The following INTS3 variants were observed in gnomAD, a reference collection of about 807,000 sequenced individuals.
INTS3 encodes integrator complex subunit 3.
INTS3 carries 34 observed loss-of-function variants against 146.3 expected under a neutral mutation model. The ratio of observed to expected loss-of-function variants is 0.23; its 90% CI spans 0.18 to 0.31. The LOEUF is 0.31. Ranked by LOEUF, INTS3 falls within the 10% of genes least tolerant of loss-of-function variation. The pLI, the probability that INTS3 is intolerant of heterozygous loss-of-function variation, is 1.00. For missense variants in INTS3, 757 were observed against 1,304.2 expected (o/e 0.58, Z 6.46); for synonymous variants, 475 against 494.9 (o/e 0.96, Z 0.53).
At chr1:153,730,300 T>G (rs539478408) in intron 1 of INTS3, among the ~76,000 whole-genome samples, 2 of 152,252 alleles carry the variant, frequency 1.3e-5, no homozygotes, top group Non-Finnish European at 2.9e-5. Context: ...ATTATGAATG[T>G]GAACAATGTA....
At chr1:153,747,392 G>A in intron 5 of INTS3, 29 bp downstream of exon 5, 6 of 1,526,932 alleles carry the variant, frequency 3.9e-6, no homozygotes, top group Non-Finnish European at 5.5e-6. Context: ...GCATAAAGAA[G>A]AAAGGAGGAG....
intron 5 of INTS3, 30 bp downstream of exon 5, chr1:153,747,393 AAAG>A (rs1435842742): frequency 6.5e-7 from 1 of 1,528,222 alleles, no homozygotes; most frequent in African/African-American, 1.4e-5. Flanking sequence ...CATAAAGAAG[AAAG>A]GAGGAGAGCC....
intron 2 of INTS3, 40 bp downstream of exon 2, chr1:153,740,774 T>G: frequency 6.9e-7 from 1 of 1,447,238 alleles, no homozygotes. Flanking sequence ...GCTGCTGCTG[T>G]GAAGGTCTTG....
intron 3 of INTS3, among the ~76,000 whole-genome samples, chr1:153,743,948 A>AT (rs1671631751): frequency 6.6e-6 from 1 of 151,858 alleles, no homozygotes; most frequent in Admixed American, 6.6e-5. Flanking sequence ...CTCTTGACAC[A>AT]TTCAGGATAG....
intron 3 of INTS3, among the ~76,000 whole-genome samples, chr1:153,742,315 A>G (rs1285119249): frequency 6.6e-6 from 1 of 152,238 alleles, no homozygotes; most frequent in East Asian, 1.9e-4. Context: ...TACTGAATTT[A>G]TCATCAAGAT....
rs200444551 is a variant in INTS3 at position 153,772,458 on chromosome 1, G to T, written c.2821+18G>T. 2.5e-6 allele frequency: 4 copies of T among 1,614,124 alleles called. No individual in the cohort carries two copies. In the East Asian group the frequency reaches 8.9e-5, roughly 36 times the overall value. ...GCAGAACTGTATGCCTTCCACCCTC[G>T]GCGTCCAGTGTAGACGGTGCTGCCC... On this transcript the variant is annotated intron_variant, in intron 27 of 29. Transcript: ENST00000318967. The surrounding 1 kb of genome is among the most constrained non-coding windows in gnomAD (Gnocchi z 4.6).
At position 153,750,905 on chromosome 1, in the gene INTS3, C is replaced by T. The variant is rs570212952; in HGVS notation, c.585-190C>T. ...TGGAAGAGAAAATTAGGAAGTTGTC[C>T]GTAGCTTAGCCAGTTGATAGTCCAA... is the stretch of plus-strand genomic sequence containing the variant. On this transcript the variant is annotated intron_variant, in intron 6 of 29. Transcript: ENST00000318967. The T allele has an allele frequency of 4.0e-5, 19 of 474,806 alleles. No homozygotes were observed. In the South Asian group the frequency reaches 6.9e-4, roughly 17 times the overall value. The allele number at this position is 474,806 out of a possible 1,614,324, so 29.4% of individuals were successfully genotyped here.
At chr1:153,769,068 G>A in intron 22 of INTS3, 107 bp downstream of exon 22, 1 of 874,994 alleles carries the variant, frequency 1.1e-6, no homozygotes, top group South Asian at 1.4e-5. Flanking sequence ...ATGCCTCCCA[G>A]GCACCCTCCC....
chr1:153,763,062 G>T (rs922029030), intron 15 of INTS3, among the ~76,000 whole-genome samples, 171 bp from the exon 16 acceptor site: 2 of 152,218 alleles, frequency 1.3e-5, no homozygotes, highest in Admixed American at 1.3e-4. Flanking sequence ...TTGTTTGCTT[G>T]TAAGAGCTAG....
rs1672655563 is a variant in INTS3, at chr1:153,767,843, C to CGGGG, written c.2244+17_2244+18insGGGG. The CGGGG allele has an allele frequency of 6.3e-7, 1 of 1,591,044 alleles. No individual in the cohort carries two copies. Among genetic ancestry groups the CGGGG allele is most frequent in the African/African-American group, 1.3e-5 (1 of 74,394 alleles). ...CTACACAGAGGTCAGTGCCTGCATC[C>CGGGG]GTATCTGTGCCGGGGGGCTCACAGG... On this transcript the variant is annotated intron_variant, in intron 21 of 29. Transcript: ENST00000318967.
intron 19 of INTS3, 23 bp downstream of exon 19, chr1:153,764,757 T>TA: frequency 1.3e-6 from 2 of 1,589,942 alleles, no homozygotes. Context: ...CTATAGGAGA[T>TA]ACTGTTCTAC....
Position 153,757,719 on chromosome 1 carries a change from T to C in INTS3, c.1105T>C (p.Leu369=). ...TAATGAAGTACTGAGTTCAGATATC[T>C]TGCCCCGGTGGGCCATCATTGGTTG... The part of the protein sequence containing the change: ...PSNEVLSSDI[L]PRWAIIGWLL... The change falls in exon 10 of 30, where the codon TTG becomes CTG. Residue 369 remains leucine, a synonymous_variant. Coordinates refer to ENST00000318967, the MANE Select transcript of INTS3 (RefSeq NM_023015.5). The surrounding 1 kb of genome is among the most constrained non-coding windows in gnomAD (Gnocchi z 4.0). 1 of 1,614,034 alleles carries C rather than the reference T, an allele frequency of 6.2e-7. No homozygotes were observed.
rs1358233839 is a variant in INTS3 at position 153,774,031 on chromosome 1, C to A, written c.*761C>A. 1.3e-5 allele frequency: 2 copies of A among 157,010 alleles called. No individual in the cohort carries two copies. Among genetic ancestry groups the A allele is most frequent in the African/African-American group, 2.6e-5 (1 of 39,014 alleles). The allele number at this position is 157,010 out of a possible 1,614,324, so 9.7% of individuals were successfully genotyped here. A position where few individuals can be genotyped will look rare whatever the true frequency, so the allele number is the denominator to read the frequency against. The stretch of plus-strand genomic sequence containing the variant: ...TTGTTTTTTTTTTGGCAGAGATAAT[C>A]GTGTCTTAAAAGTTGTTTTTAAATG... On this transcript the variant is annotated 3_prime_UTR_variant, in exon 30 of 30. Transcript: ENST00000318967.
chr1:153,761,377 G>C, intron 13 of INTS3, 193 bp from the exon 14 acceptor site: 1 of 562,612 alleles, frequency 1.8e-6, no homozygotes, highest in South Asian at 2.3e-5. Context: ...AGGTGTGATG[G>C]TGCACACCTG....
rs1209640099 is a variant in INTS3 at position 153,773,984 on chromosome 1, CTGTT to C, written c.*716_*719del. 1 of 162,520 alleles carries C rather than the reference CTGTT, an allele frequency of 6.2e-6. No homozygotes were observed. Among genetic ancestry groups the C allele is most frequent in the Non-Finnish European group, 1.5e-5 (1 of 66,976 alleles). The allele number at this position is 162,520 out of a possible 1,614,324, so 10.1% of individuals were successfully genotyped here. Reference sequence around the variant, plus strand: ...GTCAAATGATCCCATTTCCTTGAGTCTGTTTTTTTTTTTGTTTTTTTTTGTTTTT... The same window carrying C: ...GTCAAATGATCCCATTTCCTTGAGTCTTTTTTTTTGTTTTTTTTTGTTTTT... On this transcript the variant is annotated 3_prime_UTR_variant, in exon 30 of 30. Coordinates refer to ENST00000318967, the MANE Select transcript of INTS3 (RefSeq NM_023015.5).
At chr1:153,744,066 T>C (rs1471942594) in intron 3 of INTS3, among the ~76,000 whole-genome samples, 5 of 151,690 alleles carry the variant, frequency 3.3e-5, no homozygotes, top group African/African-American at 1.2e-4. Flanking sequence ...TGTGTGTGTG[T>C]GTGTGTGTGT....
Position 153,773,535 on chromosome 1 carries a change from TA to T in INTS3, c.*269del. 1.7e-6 allele frequency: 1 copy of T among 572,310 alleles called. No individual in the cohort carries two copies. Among genetic ancestry groups the T allele is most frequent in the Non-Finnish European group, 3.2e-6 (1 of 312,526 alleles). The allele number at this position is 572,310 out of a possible 1,614,324, so 35.5% of individuals were successfully genotyped here. On this transcript the variant is annotated 3_prime_UTR_variant, in exon 30 of 30. Transcript: ENST00000318967. ...GATCTGACTGAAGCCAGAGGCTCTG[TA>T]AAATCAGACCATAGTGGAAGTCCTC...
chr1:153,767,224 A>G (rs935247383), intron 20 of INTS3: 1 of 156,506 alleles, frequency 6.4e-6, no homozygotes, highest in Non-Finnish European at 1.4e-5. Flanking sequence ...TTTTGTTGTC[A>G]TGAAGATTTA....
At chr1:153,760,154 C>A in intron 11 of INTS3, 157 bp from the exon 12 acceptor site, 1 of 606,740 alleles carries the variant, frequency 1.6e-6, no homozygotes, top group Non-Finnish European at 2.9e-6. Flanking sequence ...TTCGCTTGAA[C>A]CTGGGAGGCA....
Sources: allele counts gnomAD v4.1 joint callset (sites outside exome capture counted in the v4.1 genomes callset), GRCh38; gene constraint gnomAD v4.1.1; non-coding constraint Gnocchi (gnomAD v3.1); transcripts MANE v1.5; gene names NCBI Gene and HGNC (gene_info 2026-07-23, HGNC 2026-07-21).